Variants in EMCN observed in about 807,000 individuals in gnomAD.
EMCN encodes the protein MUC-14.
EMCN carries 37 observed loss-of-function variants against 38.4 expected under a neutral mutation model. That is an observed-to-expected ratio of 0.96 (90% CI 0.74 to 1.27). The LOEUF (loss-of-function observed/expected upper bound fraction) is 1.27, where lower values mean the gene tolerates loss of function less well. Ranked by LOEUF, EMCN falls within the 50% of genes most tolerant of loss-of-function variation. The pLI, the probability that EMCN is intolerant of heterozygous loss-of-function variation, is 0.00. For missense variants in EMCN, 318 were observed against 302.8 expected, an observed-to-expected ratio of 1.05 and a Z score of -0.37; for synonymous variants, 95 against 100.8, an observed-to-expected ratio of 0.94 and a Z score of 0.35.
At chr4:100,514,984 T>A in intron 1 of EMCN, among the ~76,000 whole-genome samples, 1 of 152,138 alleles carries the variant, frequency 6.6e-6, no homozygotes, top group East Asian at 1.9e-4. Context: ...CTTACGATAT[T>A]TAGCATGGAG....
chr4:100,432,761 C>T (rs1727237300), intron 5 of EMCN, among the ~76,000 whole-genome samples: 1 of 152,068 alleles, frequency 6.6e-6, no homozygotes, highest in South Asian at 2.1e-4. Context: ...GTCTTTAGAT[C>T]TTGATTGATC....
intron 5 of EMCN, among the ~76,000 whole-genome samples, 192 bp downstream of exon 5, chr4:100,447,341 T>A (rs187142428): frequency 6.6e-6 from 1 of 152,270 alleles, no homozygotes; most frequent in East Asian, 1.9e-4. Context: ...ACAGAACACT[T>A]AGACATGTCC....
chr4:100,398,892 T>C (rs992663338), intron 11 of EMCN, among the ~76,000 whole-genome samples: 1 of 152,182 alleles, frequency 6.6e-6, no homozygotes, highest in African/African-American at 2.4e-5. Context: ...GTCTTCCAAA[T>C]TAAACACACA....
rs1286119166 is a variant in EMCN at position 100,475,681 on chromosome 4, T to A, written c.188-572A>T. 3.1e-5 allele frequency among the ~76,000 whole-genome samples: 4 copies of A among 128,238 alleles called. No homozygotes were observed. In the East Asian group the frequency reaches 8.8e-4, roughly 28 times the overall value. The allele number at this position is 128,238 out of a possible 152,430, so 84.1% of individuals were successfully genotyped here. A position where few individuals can be genotyped will look rare whatever the true frequency, so the allele number is the denominator to read the frequency against. ...GTCCTTTTTTTTTTTTTTTTTTTTT[T>A]TTTTTTTTTTTTTGGAGACAGAATC... On this transcript the variant is annotated intron_variant, in intron 2 of 11. Coordinates refer to ENST00000296420, the MANE Select transcript of EMCN (RefSeq NM_016242.4).
At chr4:100,474,973 G>T in intron 3 of EMCN, 65 bp downstream of exon 3, 3 of 793,870 alleles carry the variant, frequency 3.8e-6, no homozygotes, top group Non-Finnish European at 5.7e-6. Flanking sequence ...ACTTTAAAAG[G>T]GTGACTATTA....
intron 4 of EMCN, among the ~76,000 whole-genome samples, chr4:100,460,993 C>A (rs1425002092): frequency 6.6e-6 from 1 of 152,116 alleles, no homozygotes; most frequent in Non-Finnish European, 1.5e-5. Flanking sequence ...CATTGTGTAT[C>A]CAATTAGAAT....
intron 5 of EMCN, among the ~76,000 whole-genome samples, chr4:100,427,612 T>C (rs1041459942): frequency 6.6e-6 from 1 of 151,986 alleles, no homozygotes; most frequent in Non-Finnish European, 1.5e-5. Context: ...AATTATAATC[T>C]TGGAGTGTCC....
At chr4:100,405,497 T>A (rs192051822) in intron 11 of EMCN, among the ~76,000 whole-genome samples, 35 of 152,218 alleles carry the variant, frequency 2.3e-4, no homozygotes, top group Non-Finnish European at 4.1e-4. Context: ...TTGTTTTGAG[T>A]TCTGTTTATG....
intron 9 of EMCN, among the ~76,000 whole-genome samples, 154 bp from the exon 10 acceptor site, chr4:100,416,113 C>T (rs62305666): frequency 6.8e-6 from 1 of 147,724 alleles, no homozygotes; most frequent in African/African-American, 2.5e-5. Flanking sequence ...TGTATACATA[C>T]ATATATATAT....
At chr4:100,458,909 A>G (rs906562834) in intron 4 of EMCN, among the ~76,000 whole-genome samples, 5 of 152,092 alleles carry the variant, frequency 3.3e-5, no homozygotes, top group African/African-American at 4.8e-5. Flanking sequence ...AAAACCTCAT[A>G]AACATTTAGC....
intron 5 of EMCN, among the ~76,000 whole-genome samples, chr4:100,432,906 G>T: frequency 6.6e-6 from 1 of 152,020 alleles, no homozygotes; most frequent in East Asian, 1.9e-4. Flanking sequence ...TATTTAGATA[G>T]TAAAAGTTAC....
rs1380220885 is a variant in EMCN at position 100,414,059 on chromosome 4, A to G, written c.751+1839T>C. Reference sequence around the variant, plus strand: ...TCCCCCTGCTGGAAGTCATGATTCTAGTGTCAGTTGTCCCATTTCTTTGGC... The same window carrying G: ...TCCCCCTGCTGGAAGTCATGATTCTGGTGTCAGTTGTCCCATTTCTTTGGC... On this transcript the variant is annotated intron_variant, in intron 10 of 11. Transcript: ENST00000296420. Among the ~76,000 whole-genome samples, 5 of 152,272 alleles carry G rather than the reference A, an allele frequency of 3.3e-5. No individual in the cohort carries two copies. In the East Asian group the frequency reaches 9.7e-4, roughly 29 times the overall value.
chr4:100,430,495 G>C (rs1449656968), intron 5 of EMCN, among the ~76,000 whole-genome samples: 1 of 152,168 alleles, frequency 6.6e-6, no homozygotes, highest in African/African-American at 2.4e-5. Flanking sequence ...CATGCAGATA[G>C]AAACAAGGAG....
chr4:100,480,064 T>G lies in EMCN; in HGVS notation c.65-25A>C. The G allele has an allele frequency of 1.9e-6, 3 of 1,597,112 alleles. No individual in the cohort carries two copies. The African/African-American group carries it at 4.0e-5, about 22-fold the overall frequency. On this transcript the variant is annotated intron_variant, in intron 1 of 11. Transcript: ENST00000296420. ...CCTGAAAAAAGTAAAGTAGTTGCAT[T>G]AACATTTACATATAGTTTGCCAATT...
chr4:100,517,796 T>A, intron 1 of EMCN, 55 bp downstream of exon 1: 2 of 1,534,830 alleles, frequency 1.3e-6, no homozygotes, highest in Admixed American at 3.3e-5. Flanking sequence ...TGAGGCTGAG[T>A]CACCTACTAG....
intron 11 of EMCN, among the ~76,000 whole-genome samples, chr4:100,402,479 A>C (rs1726284782): frequency 6.6e-6 from 1 of 152,178 alleles, no homozygotes; most frequent in African/African-American, 2.4e-5. Flanking sequence ...CAACCTAGAT[A>C]GTAGTTACTC....
At chr4:100,508,680 TG>T (rs1296901406) in intron 1 of EMCN, among the ~76,000 whole-genome samples, 2 of 152,114 alleles carry the variant, frequency 1.3e-5, no homozygotes, top group African/African-American at 4.8e-5. Flanking sequence ...TCTATCCTAG[TG>T]GGGGTGGGGA....
At chr4:100,507,322 T>C in intron 1 of EMCN, among the ~76,000 whole-genome samples, 1 of 152,200 alleles carries the variant, frequency 6.6e-6, no homozygotes, top group East Asian at 1.9e-4. Flanking sequence ...AATATTTGTA[T>C]TAACCAAATC....
At chr4:100,435,648 C>A (rs1313035828) in intron 5 of EMCN, among the ~76,000 whole-genome samples, 2 of 152,108 alleles carry the variant, frequency 1.3e-5, no homozygotes, top group Non-Finnish European at 2.9e-5. Context: ...CTACAGTAAC[C>A]AAAGCAGCAT....
Sources: gnomAD v4.1 joint callset for allele counts (sites outside exome capture counted in the v4.1 genomes callset) on GRCh38, gnomAD v4.1.1 for gene constraint, MANE v1.5 for transcripts, NCBI Gene and HGNC (gene_info 2026-07-23, HGNC 2026-07-21) for gene names.